The following TDRD1 variants were observed in gnomAD, a reference collection of about 807,000 sequenced individuals.
TDRD1 encodes the protein tudor domain containing 1, also known as tudor domain-containing protein 1.
In TDRD1, 37 loss-of-function variants were observed where a neutral mutation model predicts 140.6. The ratio of observed to expected loss-of-function variants is 0.26; its 90% CI spans 0.20 to 0.35. The LOEUF is 0.35. Among genes scored for constraint, TDRD1 ranks in the 10% least tolerant of loss-of-function variants. The pLI, the probability that TDRD1 is intolerant of heterozygous loss-of-function variation, is 1.00. For missense variants in TDRD1, 1,243 were observed against 1,393.0 expected (o/e 0.89, Z 1.71); for synonymous variants, 506 against 475.7 (o/e 1.06, Z -0.83).
intron 4 of TDRD1, among the ~76,000 whole-genome samples, chr10:114,199,676 T>A (rs1237480025): frequency 6.6e-6 from 1 of 152,178 alleles, no homozygotes; most frequent in Non-Finnish European, 1.5e-5. Context: ...CATGAAATAA[T>A]TTTGCCTGTC....
At chr10:114,219,507 C>T (rs1020616193) in intron 18 of TDRD1, among the ~76,000 whole-genome samples, 5 of 151,908 alleles carry the variant, frequency 3.3e-5, no homozygotes, top group African/African-American at 1.2e-4. Flanking sequence ...TAAAGTCAGG[C>T]AGCATAGATG....
At chr10:114,201,892 C>G (rs1472005855) in intron 5 of TDRD1, among the ~76,000 whole-genome samples, 3 of 152,230 alleles carry the variant, frequency 2.0e-5, no homozygotes, top group African/African-American at 7.2e-5. Flanking sequence ...GTTTACAAAA[C>G]AGTTTCACAT....
downstream of TDRD1, among the ~76,000 whole-genome samples, chr10:114,232,504 C>CTT (rs140805425): frequency 1.9e-3 from 154 of 81,636 alleles, no homozygotes; most frequent in East Asian, 0.014. Flanking sequence ...ACTTGAAAGA[C>CTT]TTTTTTTTTT....
intron 13 of TDRD1, among the ~76,000 whole-genome samples, chr10:114,211,590 G>A (rs1246653131): frequency 3.3e-5 from 5 of 152,204 alleles, no homozygotes; most frequent in East Asian, 1.9e-4. Flanking sequence ...ACATGATCAG[G>A]ATATGTTCTC....
rs764323543 is a variant in TDRD1, at chr10:114,222,578, A to G, written c.2891-9A>G. On this transcript the variant is annotated splice_polypyrimidine_tract_variant and intron_variant, in intron 20 of 25. Coordinates refer to ENST00000251864, the Ensembl canonical transcript of TDRD1. ...TTTCTTCACAAAAGATTGCTTTTAT[A>G]TATTTTAGAAAATCAGGAAAAGCTG... is the stretch of plus-strand genomic sequence containing the variant. The G allele has an allele frequency of 4.5e-6, 7 of 1,567,336 alleles. No homozygotes were observed. Among genetic ancestry groups the G allele is most frequent in the East Asian group, 2.2e-5 (1 of 44,602 alleles).
rs116825832 is a variant in TDRD1, at chr10:114,217,303, G to T, written c.2213-242G>T. Among the ~76,000 whole-genome samples, 1,278 of 152,218 alleles carry T rather than the reference G, an allele frequency of 8.4e-3. 12 individuals carry two copies. Among genetic ancestry groups the T allele is most frequent in the African/African-American group, 0.029 (1,225 of 41,530 alleles). On this transcript the variant is annotated intron_variant, in intron 16 of 25. Coordinates refer to ENST00000251864, the Ensembl canonical transcript of TDRD1. ...CATGCTTTAGTGTACTGATAATCAT[G>T]CTGTAATTGTTTCTTTTTGCCCAGT...
chr10:114,215,086 CA>C (rs1421643643), intron 16 of TDRD1, among the ~76,000 whole-genome samples: 1 of 152,154 alleles, frequency 6.6e-6, no homozygotes, highest in Non-Finnish European at 1.5e-5. Flanking sequence ...TTTCTAATAG[CA>C]TAGATAAGTT....
At chr10:114,204,679 T>C (rs756927127) in intron 9 of TDRD1, 43 bp from the exon 10 acceptor site, 3 of 1,555,484 alleles carry the variant, frequency 1.9e-6, no homozygotes, top group Non-Finnish European at 2.6e-6. Context: ...AAAATCATTT[T>C]TAAATGGTAA....
At chr10:114,230,799 A>T (rs2036710185) in intron 25 of TDRD1, among the ~76,000 whole-genome samples, 1 of 152,226 alleles carries the variant, frequency 6.6e-6, no homozygotes, top group Non-Finnish European at 1.5e-5. Context: ...ATGGTGGCTC[A>T]GGCCTGTAAT....
exon 8 of TDRD1, chr10:114,203,478 A>G: frequency 6.2e-7 from 1 of 1,614,060 alleles, no homozygotes; most frequent in Non-Finnish European, 8.5e-7. Flanking sequence ...ACTCTCTGCC[A>G]GCTTAAAAGA....
Position 114,222,626 on chromosome 10 carries a change from T to C in TDRD1, c.2930T>C (p.Leu977Ser), listed in dbSNP as rs777303159. 3.7e-6 allele frequency: 6 copies of C among 1,612,982 alleles called. No individual in the cohort carries two copies. The East Asian group carries it at 8.9e-5, about 24-fold the overall frequency. ...CTGTGCATGTTGACAGCTGAATTAT[T>C]AGAATACTGCAATGCTCCGAAAAGT... Residue 977 changes from leucine (L) to serine (S), a missense_variant, in exon 21 of 26, where the codon TTA becomes TCA. Coordinates refer to ENST00000251864, the Ensembl canonical transcript of TDRD1.
chr10:114,213,573 G>A (rs143109750), exon 15 of TDRD1: 24 of 1,613,580 alleles, frequency 1.5e-5, no homozygotes, highest in South Asian at 1.3e-4. Context: ...ACCCAGTGAC[G>A]TGAAAGAAAC....
chr10:114,203,399 C>A, exon 8 of TDRD1: 2 of 1,595,358 alleles, frequency 1.3e-6, no homozygotes, highest in Non-Finnish European at 1.7e-6. Flanking sequence ...GTACGGTTAC[C>A]GAATTCAAAC....
At chr10:114,196,482 T>C (rs1346810022) in intron 3 of TDRD1, among the ~76,000 whole-genome samples, 1 of 152,234 alleles carries the variant, frequency 6.6e-6, no homozygotes, top group Admixed American at 6.5e-5. Flanking sequence ...TCTTCTGGCC[T>C]CCATGGTCTC....
At position 114,211,279 on chromosome 10, in the gene TDRD1, G is replaced by C. The variant is rs191507276; in HGVS notation, c.1660+312G>C. ...AGATAATTTGGTTTAAGCTAATAGG[G>C]GGATGTGGAACCTCCCCAGGTTCAT... On this transcript the variant is annotated intron_variant, in intron 13 of 25. Coordinates refer to ENST00000251864, the Ensembl canonical transcript of TDRD1. Among the ~76,000 whole-genome samples the C allele has an allele frequency of 5.2e-3, 796 of 152,188 alleles. 8 individuals are homozygous for C. The highest frequency in any genetic ancestry group is 0.018 in the African/African-American group (744 of 41,508).
In TDRD1 at chr10:114,191,033, TTG is replaced by T. The variant is rs761546754; in HGVS notation, c.384+23_384+24del. 27 of 1,613,018 alleles carry T rather than the reference TTG, an allele frequency of 1.7e-5. No homozygotes were observed. The highest frequency in any genetic ancestry group is 2.3e-5 in the Non-Finnish European group (27 of 1,179,254). On this transcript the variant is annotated intron_variant, in intron 3 of 25. Transcript: ENST00000251864. The stretch of plus-strand genomic sequence containing the variant: ...GAAGTGAATATTGTAAGTTATTTTA[TTG>T]TGTGTGTGCTTGTTTGGGTAAAAGA...
At chr10:114,213,686 G>A in intron 15 of TDRD1, 98 bp downstream of exon 15, 1 of 1,086,646 alleles carries the variant, frequency 9.2e-7, no homozygotes, top group Non-Finnish European at 1.3e-6. Flanking sequence ...TATGTTGAAT[G>A]CCTTTCATCT....
chr10:114,193,199 G>A (rs568693445), intron 3 of TDRD1, among the ~76,000 whole-genome samples: 7 of 148,670 alleles, frequency 4.7e-5, no homozygotes, highest in African/African-American at 1.5e-4. Flanking sequence ...TGTAAATACT[G>A]TTGTATTTCT....
intron 2 of TDRD1, among the ~76,000 whole-genome samples, chr10:114,190,488 A>G (rs1474257353): frequency 6.6e-6 from 1 of 152,092 alleles, no homozygotes; most frequent in Non-Finnish European, 1.5e-5. Context: ...CCTTTTATTT[A>G]TATTTTTACT....
Sources: gnomAD v4.1 joint callset for allele counts (sites outside exome capture counted in the v4.1 genomes callset) on GRCh38, gnomAD v4.1.1 for gene constraint, MANE v1.5 for transcripts, NCBI Gene and HGNC (gene_info 2026-07-23, HGNC 2026-07-21) for gene names.